ERG: variants seen among roughly 807,000 people sequenced by gnomAD.
The protein encoded by ERG is transcriptional regulator ERG.
A neutral mutation model predicts 55.3 loss-of-function variants in ERG; 9 were observed. The ratio of observed to expected loss-of-function variants is 0.16; its 90% CI spans 0.10 to 0.28. The LOEUF is 0.28. Among genes scored for constraint, ERG ranks in the 10% least tolerant of loss-of-function variants. The probability of loss-of-function intolerance (pLI) is 1.00; values close to 1 mark genes in which losing one functional copy is unlikely to be tolerated. For missense variants in ERG, 434 were observed against 631.6 expected (o/e 0.69, Z 3.35); for synonymous variants, 223 against 237.3 (o/e 0.94, Z 0.55).
Position 38,462,602 on chromosome 21 carries a change from G to A in ERG, c.19-16981C>T, listed in dbSNP as rs1189122532. Reference sequence around the variant, plus strand: ...GCCATTTCCTCAAGTTGACAACAGAGAGTCCTTAGGAAAATAATTTTTTAA... The same window carrying A: ...GCCATTTCCTCAAGTTGACAACAGAAAGTCCTTAGGAAAATAATTTTTTAA... On this transcript the variant is annotated intron_variant, in intron 1 of 9. Coordinates refer to ENST00000288319, the MANE Select transcript of ERG (RefSeq NM_182918.4). Among the ~76,000 whole-genome samples, 3 of 152,222 alleles carry A rather than the reference G, an allele frequency of 2.0e-5. No homozygotes were observed. The East Asian group carries it at 5.8e-4, about 29-fold the overall frequency.
intron 2 of ERG, among the ~76,000 whole-genome samples, chr21:38,521,204 A>G (rs981124418): frequency 2.6e-5 from 4 of 152,160 alleles, no homozygotes; most frequent in African/African-American, 9.7e-5. Context: ...CCAGCCACAC[A>G]GTTCCCTTCA....
intron 2 of ERG, among the ~76,000 whole-genome samples, chr21:38,506,450 A>C (rs2059461379): frequency 6.6e-6 from 1 of 152,250 alleles, no homozygotes; most frequent in African/African-American, 2.4e-5. Flanking sequence ...TTTCTCAAAA[A>C]AAACGTGTAG....
intron 6 of ERG, among the ~76,000 whole-genome samples, chr21:38,393,337 C>T (rs1456934904): frequency 6.6e-6 from 1 of 152,228 alleles, no homozygotes; most frequent in Non-Finnish European, 1.5e-5. Context: ...AAATATATTA[C>T]AGAAACCTTA....
intron 1 of ERG, among the ~76,000 whole-genome samples, chr21:38,599,033 T>A (rs902276014): frequency 1.3e-5 from 2 of 152,068 alleles, no homozygotes; most frequent in Non-Finnish European, 2.9e-5. Flanking sequence ...GAGGGAAGCT[T>A]CAAAAAAACC....
chr21:38,405,071 A>G (rs1988700058), intron 3 of ERG, among the ~76,000 whole-genome samples: 1 of 152,084 alleles, frequency 6.6e-6, no homozygotes, highest in Non-Finnish European at 1.5e-5. Context: ...GTCCAGTAGA[A>G]TCTACCTTTC....
intron 1 of ERG, among the ~76,000 whole-genome samples, chr21:38,456,010 C>T (rs1028977232): frequency 3.9e-5 from 6 of 152,174 alleles, no homozygotes; most frequent in Admixed American, 3.9e-4. Flanking sequence ...CCTCATGTAC[C>T]AAGTCTTCAA....
rs187578566 is a variant in ERG, at chr21:38,556,768, T to A, written c.-41+18894A>T. Among the ~76,000 whole-genome samples, 236 of 152,038 alleles carry A rather than the reference T, an allele frequency of 1.6e-3. 2 individuals carry two copies. The highest frequency in any genetic ancestry group is 5.4e-3 in the African/African-American group (226 of 41,478). ...GAGGCTGGATGGGAAGAAAGCAGGGTTCTCTTGCTCCTCTCATCAGAGAGC... is the reference window on the plus strand; with the variant it reads ...GAGGCTGGATGGGAAGAAAGCAGGGATCTCTTGCTCCTCTCATCAGAGAGC... On this transcript the variant is annotated intron_variant, in intron 2 of 8. Coordinates refer to the ERG transcript ENST00000398897.
At chr21:38,548,212 C>T (rs1433281039) in intron 2 of ERG, among the ~76,000 whole-genome samples, 1 of 152,118 alleles carries the variant, frequency 6.6e-6, no homozygotes, top group Non-Finnish European at 1.5e-5. Context: ...CCTGAGCAAT[C>T]TGTGATCACT....
chr21:38,513,072 C>T (rs1175348252), intron 2 of ERG, among the ~76,000 whole-genome samples: 2 of 151,122 alleles, frequency 1.3e-5, no homozygotes, highest in Non-Finnish European at 2.9e-5. Flanking sequence ...CGGAGGGTGC[C>T]GTGAGCCAAG....
intron 1 of ERG, among the ~76,000 whole-genome samples, chr21:38,493,435 T>A (rs1019575253): frequency 6.6e-6 from 1 of 152,144 alleles, no homozygotes. Flanking sequence ...CATATCCCAA[T>A]TGTTAGGAAT....
Position 38,391,059 on chromosome 21 carries a change from CAAAGTCAA to C in ERG, c.872-25_872-18del, listed in dbSNP as rs748436097. 6.2e-7 allele frequency: 1 copy of C among 1,607,550 alleles called. No individual in the cohort carries two copies. Among genetic ancestry groups the C allele is most frequent in the South Asian group, 1.1e-5 (1 of 90,802 alleles). On this transcript the variant is annotated intron_variant, in intron 8 of 9. Coordinates refer to ENST00000288319, the MANE Select transcript of ERG (RefSeq NM_182918.4). ...GATAAGGATCTACAGCAAAAAGAAA[CAAAGTCAA>C]ATCCTAGACATAGTTGTAACATAGT...
intron 3 of ERG, among the ~76,000 whole-genome samples, chr21:38,408,369 C>T (rs1988872224): frequency 6.6e-6 from 1 of 152,226 alleles, no homozygotes; most frequent in African/African-American, 2.4e-5. Flanking sequence ...TGCCACATGC[C>T]ACCCACAGCG....
chr21:38,450,303 G>A (rs1229753334), intron 1 of ERG, among the ~76,000 whole-genome samples: 4 of 152,116 alleles, frequency 2.6e-5, no homozygotes, highest in East Asian at 3.9e-4. Context: ...GCTTGAACCC[G>A]GGAAGCGGAG....
chr21:38,635,590 T>G (rs1256261608), intron 1 of ERG, among the ~76,000 whole-genome samples: 1 of 152,214 alleles, frequency 6.6e-6, no homozygotes, highest in Non-Finnish European at 1.5e-5. Context: ...AATAATAAAC[T>G]TCTCATTTCT....
intron 2 of ERG, among the ~76,000 whole-genome samples, chr21:38,442,322 G>T (rs186813855): frequency 6.6e-6 from 1 of 152,156 alleles, no homozygotes; most frequent in Non-Finnish European, 1.5e-5. Context: ...TGAACCCCGG[G>T]GGGTGGAGGT....
rs113269892 is a variant in ERG at position 38,403,897 on chromosome 21, T to A, written c.389-188A>T. ...AAGCTGCCTCACATCCATAGATCAT[T>A]GTCTTTAAAGTGAATAGTTCTGGAA... On this transcript the variant is annotated intron_variant, in intron 3 of 9. Coordinates refer to ENST00000288319, the MANE Select transcript of ERG (RefSeq NM_182918.4). Among the ~76,000 whole-genome samples, 984 of 152,326 alleles carry A rather than the reference T, an allele frequency of 6.5e-3. 4 individuals are homozygous for A. Among genetic ancestry groups the A allele is most frequent in the Admixed American group, 0.011 (162 of 15,300 alleles).
chr21:38,384,661 A>G (rs1987607795), intron 9 of ERG, among the ~76,000 whole-genome samples: 1 of 152,332 alleles, frequency 6.6e-6, no homozygotes, highest in Admixed American at 6.5e-5. Flanking sequence ...TAGGTCAAGT[A>G]AGATAATAAA....
rs546460644 is a variant in ERG at position 38,435,011 on chromosome 21, G to A, written c.236+10393C>T. Among the ~76,000 whole-genome samples, 6 of 152,244 alleles carry A rather than the reference G, an allele frequency of 3.9e-5. No individual in the cohort carries two copies. The East Asian group carries it at 9.6e-4, about 24-fold the overall frequency. ...CTGAATGTTCCTTTTGGTTTATTAG[G>A]TTAGTTCACATTAAGAAGAACTTGG... On this transcript the variant is annotated intron_variant, in intron 2 of 9. Transcript: ENST00000288319.
At chr21:38,477,645 A>G (rs1317783814) in intron 1 of ERG, among the ~76,000 whole-genome samples, 1 of 152,212 alleles carries the variant, frequency 6.6e-6, no homozygotes, top group Admixed American at 6.5e-5. Context: ...TTTCTTTAGC[A>G]TCAGTTCATG....
Sources: allele counts gnomAD v4.1 joint callset (sites outside exome capture counted in the v4.1 genomes callset), GRCh38; gene constraint gnomAD v4.1.1; transcripts MANE v1.5; gene names NCBI Gene and HGNC (gene_info 2026-07-23, HGNC 2026-07-21).